The following ARHGEF12 variants were observed in gnomAD, a reference collection of about 807,000 sequenced individuals.
ARHGEF12 encodes the protein Rho guanine nucleotide exchange factor 12.
In ARHGEF12, 66 loss-of-function variants were observed where a neutral mutation model predicts 211.2. The observed-to-expected ratio is 0.31, with a 90% CI of 0.26 to 0.38. ARHGEF12 has a LOEUF of 0.38. Ranked by LOEUF, ARHGEF12 falls within the 10% of genes least tolerant of loss-of-function variation. The pLI, the probability that ARHGEF12 is intolerant of heterozygous loss-of-function variation, is 1.00. For missense variants in ARHGEF12, 1,429 were observed against 1,869.5 expected, an observed-to-expected ratio of 0.76 and a Z score of 4.34; for synonymous variants, 592 against 638.4, an observed-to-expected ratio of 0.93 and a Z score of 1.09.
At chr11:120,393,135 A>G (rs903477978) in intron 1 of ARHGEF12, among the ~76,000 whole-genome samples, 3 of 152,238 alleles carry the variant, frequency 2.0e-5, no homozygotes, top group South Asian at 2.1e-4. Context: ...GCTCAGCACC[A>G]TAATAGTTAA....
rs1947451725 is a variant in ARHGEF12, at chr11:120,488,409, C to G, written c.*3332C>G. 1 of 216,188 alleles carries G rather than the reference C, an allele frequency of 4.6e-6. No individual in the cohort carries two copies. The highest frequency in any genetic ancestry group is 5.8e-5 in the Admixed American group (1 of 17,236). 13.4% of individuals were successfully genotyped at this position (216,188 alleles called of 1,614,324 possible). On this transcript the variant is annotated 3_prime_UTR_variant, in exon 41 of 41. Transcript: ENST00000397843. The stretch of plus-strand genomic sequence containing the variant: ...GGCCTCACAGTCAGCTTCCTCATGG[C>G]TAGTTTTTCCCCCTTATATTACAAT...
Position 120,428,255 on chromosome 11 carries a change from T to C in ARHGEF12, c.585+8T>C. 1 of 1,552,840 alleles carries C rather than the reference T, an allele frequency of 6.4e-7. No homozygotes were observed. Among genetic ancestry groups the C allele is most frequent in the Non-Finnish European group, 8.7e-7 (1 of 1,148,354 alleles). ...AGTCCTGTGCTCATGGGGGTAAGAA[T>C]GGGGAAATTTCTTAGTTAAATGCTC... On this transcript the variant is annotated splice_region_variant and intron_variant, in intron 8 of 40. Coordinates refer to ENST00000397843, the MANE Select transcript of ARHGEF12 (RefSeq NM_015313.3).
intron 11 of ARHGEF12, among the ~76,000 whole-genome samples, chr11:120,436,707 A>G (rs969924928): frequency 6.6e-6 from 1 of 152,204 alleles, no homozygotes; most frequent in Non-Finnish European, 1.5e-5. Flanking sequence ...TGTATTAGGT[A>G]TTATAAGTAA....
chr11:120,395,049 T>A (rs1944336552), intron 1 of ARHGEF12, among the ~76,000 whole-genome samples: 2 of 115,308 alleles, frequency 1.7e-5, no homozygotes, highest in South Asian at 3.1e-4. Context: ...AGAGCAAGAC[T>A]CTATCTCAAA....
chr11:120,458,384 A>T (rs1946427019), intron 25 of ARHGEF12, 150 bp downstream of exon 25: 1 of 772,252 alleles, frequency 1.3e-6, no homozygotes, highest in African/African-American at 1.8e-5. Context: ...TAATCCTTGA[A>T]CTCAAGAAAA....
At chr11:120,445,112 A>G (rs1239478585) in intron 15 of ARHGEF12, among the ~76,000 whole-genome samples, 2 of 152,196 alleles carry the variant, frequency 1.3e-5, no homozygotes, top group Non-Finnish European at 2.9e-5. Context: ...GATTATATTG[A>G]CCAATGATTC....
At chr11:120,465,493 G>T (rs1013931298) in intron 28 of ARHGEF12, 131 bp downstream of exon 28, 4 of 1,165,322 alleles carry the variant, frequency 3.4e-6, no homozygotes, top group East Asian at 2.6e-5. Context: ...TTGAGACAGG[G>T]TCTCGCTGTG....
At chr11:120,424,556 A>G in intron 7 of ARHGEF12, 141 bp downstream of exon 7, 4 of 589,462 alleles carry the variant, frequency 6.8e-6, no homozygotes, top group Non-Finnish European at 1.2e-5. Context: ...TCATTGTATC[A>G]TGAAAGCAGC....
chr11:120,469,633 A>G (rs1946809115), intron 30 of ARHGEF12, among the ~76,000 whole-genome samples: 2 of 152,294 alleles, frequency 1.3e-5, no homozygotes, highest in African/African-American at 2.4e-5. Flanking sequence ...TTCAGCAGAT[A>G]TTTATAGAAC....
intron 1 of ARHGEF12, among the ~76,000 whole-genome samples, chr11:120,375,456 T>A (rs1007415880): frequency 1.3e-5 from 2 of 152,098 alleles, no homozygotes; most frequent in Admixed American, 6.5e-5. Context: ...GTAATGATAT[T>A]CTTAAAAAAA....
chr11:120,479,877 G>A, intron 37 of ARHGEF12, 83 bp from the exon 38 acceptor site: 1 of 1,115,028 alleles, frequency 9.0e-7, no homozygotes, highest in South Asian at 1.5e-5. Flanking sequence ...TAGATCATTG[G>A]TAAGTCAGCT....
chr11:120,421,761 A>T, intron 5 of ARHGEF12, 42 bp from the exon 6 acceptor site: 1 of 1,572,304 alleles, frequency 6.4e-7, no homozygotes. Context: ...TGATCAGTAA[A>T]TGCAAATGAA....
chr11:120,381,528 T>C (rs1273065335), intron 1 of ARHGEF12, among the ~76,000 whole-genome samples: 1 of 152,230 alleles, frequency 6.6e-6, no homozygotes, highest in Non-Finnish European at 1.5e-5. Flanking sequence ...CAAAGTTTGT[T>C]AGGTAAGCTC....
chr11:120,370,512 T>C (rs1406154447), intron 1 of ARHGEF12, among the ~76,000 whole-genome samples: 1 of 152,200 alleles, frequency 6.6e-6, no homozygotes, highest in Non-Finnish European at 1.5e-5. Context: ...TTAAAAGTTT[T>C]ATTTTTTTTT....
intron 5 of ARHGEF12, 46 bp downstream of exon 5, chr11:120,420,897 G>A (rs1945164924): frequency 6.6e-7 from 1 of 1,511,196 alleles, no homozygotes; most frequent in East Asian, 2.3e-5. Flanking sequence ...AACAGAGTAA[G>A]AATAGAAAAG....
chr11:120,417,452 A>G (rs1054747223), intron 4 of ARHGEF12, among the ~76,000 whole-genome samples: 2 of 152,298 alleles, frequency 1.3e-5, no homozygotes, highest in African/African-American at 4.8e-5. Flanking sequence ...ATTTGTTTCC[A>G]AAAGCAAGCA....
At position 120,407,764 on chromosome 11, in the gene ARHGEF12, C is replaced by T; in HGVS notation, c.83C>T (p.Ser28Leu). Residue 28 changes from serine (S) to leucine (L), a missense_variant, in exon 3 of 41, where the codon TCA becomes TTA. By Grantham distance (145) the Ser-to-Leu change is moderately radical (BLOSUM62 -2). Transcript: ENST00000397843. ...IRHGSILNRESPTDKKQKVER... is the reference protein window; with the variant it reads ...IRHGSILNRELPTDKKQKVER... ...CATGGAAGTATTTTGAACCGAGAGT[C>T]ACCAACAGATAAGAAGCAGAAAGTT... The T allele has an allele frequency of 6.2e-7, 1 of 1,613,452 alleles. No individual in the cohort carries two copies. The highest frequency in any genetic ancestry group is 8.5e-7 in the Non-Finnish European group (1 of 1,179,722).
chr11:120,407,249 A>C (rs1944731974), intron 2 of ARHGEF12, among the ~76,000 whole-genome samples: 1 of 152,234 alleles, frequency 6.6e-6, no homozygotes, highest in Non-Finnish European at 1.5e-5. Flanking sequence ...TGGTTGGCTA[A>C]GACTTCTGTG....
rs553712312 is a variant in ARHGEF12, at chr11:120,354,617, G to A, written c.32+17342G>A. Among the ~76,000 whole-genome samples, 3 of 152,062 alleles carry A rather than the reference G, an allele frequency of 2.0e-5. No individual in the cohort carries two copies. The South Asian group carries it at 6.2e-4, about 32-fold the overall frequency. On this transcript the variant is annotated intron_variant, in intron 1 of 40. Transcript: ENST00000397843. ...GGTGTGTTGTTTTTTAACCCTTTTT[G>A]GTTGTAAATTGTTTTCTTTCTTTGT...
Sources: allele counts gnomAD v4.1 joint callset (sites outside exome capture counted in the v4.1 genomes callset), GRCh38; gene constraint gnomAD v4.1.1; transcripts MANE v1.5; gene names NCBI Gene and HGNC (gene_info 2026-07-23, HGNC 2026-07-21).